Variants in CALN1 observed in about 807,000 individuals in gnomAD.
CALN1 encodes calcium-binding protein 8.
CALN1 carries 17 observed loss-of-function variants against 30.6 expected under a neutral mutation model. That is an observed-to-expected ratio of 0.56 (90% CI 0.38 to 0.83). CALN1 has a LOEUF of 0.83. Among genes scored for constraint, CALN1 ranks in the 40% least tolerant of loss-of-function variants. The probability of loss-of-function intolerance (pLI) is 0.00; values close to 1 mark genes in which losing one functional copy is unlikely to be tolerated. For missense variants in CALN1, 291 were observed against 354.9 expected, an observed-to-expected ratio of 0.82 and a Z score of 1.45; for synonymous variants, 156 against 131.4, an observed-to-expected ratio of 1.19 and a Z score of -1.28.
intron 4 of CALN1, among the ~76,000 whole-genome samples, chr7:72,048,903 T>C (rs757895): frequency 0.22 from 33,388 of 151,878 alleles, 4,337 homozygotes; most frequent in Middle Eastern, 0.33. Context: ...CTCAACATTT[T>C]CGGCCCAAGC....
chr7:72,457,004 C>CTTTTTTTTTTTTTTTTTTTTTTT, the CALN1 span, among the ~76,000 whole-genome samples: 9 of 106,602 alleles, frequency 8.4e-5, no homozygotes, highest in African/African-American at 1.1e-4. Flanking sequence ...TTCTTTCTTT[C>CTTTTTTTTTTTTTTTTTTTTTTT]TTTTTTTTTT....
intron 4 of CALN1, among the ~76,000 whole-genome samples, chr7:72,040,765 G>C (rs1371000072): frequency 1.3e-5 from 2 of 152,198 alleles, no homozygotes; most frequent in Non-Finnish European, 2.9e-5. Context: ...AGCATCTTGA[G>C]GTTGGGCTTC....
intron 2 of CALN1, among the ~76,000 whole-genome samples, chr7:72,293,285 C>T (rs1411405647): frequency 6.6e-6 from 1 of 152,116 alleles, no homozygotes; most frequent in African/African-American, 2.4e-5. Context: ...ACTATCAGAA[C>T]CTCAAAGTTG....
chr7:71,951,428 T>C (rs1054195720), intron 5 of CALN1, among the ~76,000 whole-genome samples: 3 of 152,042 alleles, frequency 2.0e-5, no homozygotes, highest in Non-Finnish European at 1.5e-5. Flanking sequence ...CCGTCTCTAC[T>C]AAAAATACAA....
chr7:72,169,664 T>G (rs1249198751), intron 3 of CALN1, among the ~76,000 whole-genome samples: 1 of 151,744 alleles, frequency 6.6e-6, no homozygotes, highest in Non-Finnish European at 1.5e-5. Context: ...AGGCTTTAAT[T>G]TTTTTTGTTA....
intron 2 of CALN1, among the ~76,000 whole-genome samples, chr7:72,396,736 G>A (rs888130020): frequency 2.0e-5 from 3 of 152,084 alleles, no homozygotes; most frequent in African/African-American, 7.2e-5. Context: ...AATTGTGAGG[G>A]AGAAGGTGAC....
intron 3 of CALN1, among the ~76,000 whole-genome samples, chr7:72,240,888 C>A (rs1205800307): frequency 4.6e-5 from 7 of 152,152 alleles, no homozygotes; most frequent in Admixed American, 4.6e-4. Context: ...AAGGCCAGTC[C>A]CATGCCTGTT....
chr7:72,456,412 C>T, the CALN1 span, among the ~76,000 whole-genome samples: 7,233 of 152,088 alleles, frequency 0.048, 203 homozygotes, highest in African/African-American at 0.058. Flanking sequence ...GTGGTACACG[C>T]CTGTCAGCCC....
chr7:71,812,317 G>A (rs891533818), intron 5 of CALN1, among the ~76,000 whole-genome samples: 4 of 152,162 alleles, frequency 2.6e-5, no homozygotes, highest in African/African-American at 9.7e-5. Context: ...AAACTAAGAG[G>A]CTACCATAAC....
intron 2 of CALN1, among the ~76,000 whole-genome samples, chr7:72,334,964 C>T (rs758497544): frequency 3.3e-5 from 5 of 152,194 alleles, no homozygotes; most frequent in Non-Finnish European, 7.3e-5. Context: ...TCAGGGCATC[C>T]TTGGGGCTTT....
At chr7:71,903,025 T>C (rs562622131) in intron 5 of CALN1, among the ~76,000 whole-genome samples, 3 of 152,050 alleles carry the variant, frequency 2.0e-5, no homozygotes, top group African/African-American at 7.2e-5. Context: ...AAAAATTTTT[T>C]AAGTAAAAAT....
At chr7:72,224,615 T>G (rs1186973247) in intron 3 of CALN1, among the ~76,000 whole-genome samples, 4 of 150,846 alleles carry the variant, frequency 2.7e-5, no homozygotes, top group Non-Finnish European at 5.9e-5. Flanking sequence ...TAACCTGTCT[T>G]TACTAAAAAT....
chr7:72,005,401 T>TCA (rs915261776), intron 5 of CALN1, among the ~76,000 whole-genome samples: 2 of 152,142 alleles, frequency 1.3e-5, no homozygotes, highest in African/African-American at 4.8e-5. Flanking sequence ...TGATCACGGC[T>TCA]CACTACAGCC....
At chr7:72,324,559 A>AATTTTATTTATTTATTT (rs957219161) in intron 2 of CALN1, among the ~76,000 whole-genome samples, 4 of 129,870 alleles carry the variant, frequency 3.1e-5, no homozygotes, top group Admixed American at 1.5e-4. Context: ...TAAATGATGT[A>AATTTTATTTATTTATTT]ATTTATTTAT....
At chr7:72,274,765 C>G (rs542798475) in intron 3 of CALN1, among the ~76,000 whole-genome samples, 1 of 152,048 alleles carries the variant, frequency 6.6e-6, no homozygotes, top group Admixed American at 6.6e-5. Flanking sequence ...TAGTAAATAT[C>G]CGTTTAATGA....
intron 4 of CALN1, among the ~76,000 whole-genome samples, chr7:72,082,056 G>A (rs1360161543): frequency 6.6e-6 from 1 of 151,774 alleles, no homozygotes; most frequent in Non-Finnish European, 1.5e-5. Context: ...GTGCAGTCTC[G>A]GCTCACTGCA....
chr7:71,977,947 A>C (rs2129526906), intron 5 of CALN1, among the ~76,000 whole-genome samples: 1 of 151,740 alleles, frequency 6.6e-6, no homozygotes, highest in Non-Finnish European at 1.5e-5. Flanking sequence ...AAAAAAAAAA[A>C]AAAAGCAATG....
At chr7:72,175,274 C>T (rs558949296) in intron 3 of CALN1, among the ~76,000 whole-genome samples, 5 of 152,188 alleles carry the variant, frequency 3.3e-5, no homozygotes, top group South Asian at 2.1e-4. Context: ...AGGGTTTCAC[C>T]GTGTTAGCCA....
chr7:72,333,914 C>G (rs1234416687), intron 2 of CALN1, among the ~76,000 whole-genome samples: 1 of 152,190 alleles, frequency 6.6e-6, no homozygotes, highest in South Asian at 2.1e-4. Context: ...CACTCTGTGT[C>G]TGACTCTAAA....
Sources: gnomAD v4.1 joint callset for allele counts (sites outside exome capture counted in the v4.1 genomes callset) on GRCh38, gnomAD v4.1.1 for gene constraint, MANE v1.5 for transcripts, NCBI Gene and HGNC (gene_info 2026-07-23, HGNC 2026-07-21) for gene names.